NR6A1: variants seen among roughly 807,000 people sequenced by gnomAD.
The protein encoded by NR6A1 is nuclear receptor subfamily 6 group A member 1.
Under a neutral mutation model 59.1 loss-of-function variants are expected in NR6A1, and 7 were observed. That is an observed-to-expected ratio of 0.12 (90% CI 0.07 to 0.22). NR6A1 has a LOEUF of 0.22. Among genes scored for constraint, NR6A1 ranks in the 10% least tolerant of loss-of-function variants. The pLI is 1.00. For synonymous variants in NR6A1, 243 were observed against 236.1 expected (o/e 1.03, Z -0.27); for missense variants, 468 against 611.6 (o/e 0.77, Z 2.48).
intron 2 of NR6A1, among the ~76,000 whole-genome samples, chr9:124,645,033 C>A (rs1172299253): frequency 6.6e-6 from 1 of 152,164 alleles, no homozygotes; most frequent in Non-Finnish European, 1.5e-5. Flanking sequence ...AAGTGCAAAT[C>A]CTAACGGAAA....
intron 2 of NR6A1, among the ~76,000 whole-genome samples, chr9:124,714,390 G>A (rs902088104): frequency 7.9e-5 from 12 of 152,110 alleles, no homozygotes; most frequent in Admixed American, 1.3e-4. Context: ...TAAATGCTAC[G>A]TCATGTATAT....
At chr9:124,695,871 A>G (rs946615220) in intron 2 of NR6A1, among the ~76,000 whole-genome samples, 3 of 152,248 alleles carry the variant, frequency 2.0e-5, no homozygotes, top group African/African-American at 7.2e-5. Context: ...CTATTTATTT[A>G]CAGACTATTA....
At chr9:124,752,092 A>G (rs1458868752) in intron 1 of NR6A1, among the ~76,000 whole-genome samples, 2 of 152,168 alleles carry the variant, frequency 1.3e-5, no homozygotes, top group Middle Eastern at 3.2e-3. Flanking sequence ...AAAATGGTGA[A>G]ACCCTGTCTC....
intron 2 of NR6A1, among the ~76,000 whole-genome samples, chr9:124,718,522 A>G (rs965617165): frequency 1.3e-5 from 2 of 152,212 alleles, no homozygotes; most frequent in Non-Finnish European, 2.9e-5. Flanking sequence ...GCTAGAACCT[A>G]TTGGCTCAAT....
At chr9:124,718,432 T>C (rs775075291) in intron 2 of NR6A1, among the ~76,000 whole-genome samples, 2 of 152,228 alleles carry the variant, frequency 1.3e-5, no homozygotes, top group Non-Finnish European at 2.9e-5. Flanking sequence ...TCCTGCTACT[T>C]GAGGACTCTG....
At position 124,771,203 on chromosome 9, in the gene NR6A1, G is replaced by T; in HGVS notation, c.-84C>A. The T allele has an allele frequency of 1.3e-6, 1 of 789,358 alleles. No individual in the cohort carries two copies. The highest frequency in any genetic ancestry group is 1.7e-6 in the Non-Finnish European group (1 of 583,514). The allele number at this position is 789,358 out of a possible 1,614,324, so 48.9% of individuals were successfully genotyped here. A position where few individuals can be genotyped will look rare whatever the true frequency, so the allele number is the denominator to read the frequency against. ...CGCCGTGGTCGTCGTCCGCCGAGGG[G>T]AGGAGGTTGTCAGGAGCCCGCGAGC... On this transcript the variant is annotated 5_prime_UTR_variant, in exon 1 of 10. Coordinates refer to ENST00000487099, the MANE Select transcript of NR6A1 (RefSeq NM_033334.4).
At chr9:124,606,673 T>A in intron 2 of NR6A1, among the ~76,000 whole-genome samples, 1 of 152,206 alleles carries the variant, frequency 6.6e-6, no homozygotes. Flanking sequence ...ATTGATTAAA[T>A]AAGTATACAG....
intron 2 of NR6A1, among the ~76,000 whole-genome samples, chr9:124,601,473 A>C (rs1460747274): frequency 6.6e-6 from 1 of 150,796 alleles, no homozygotes; most frequent in Non-Finnish European, 1.5e-5. Flanking sequence ...AGTCCCAGCT[A>C]CTCGGGGGGC....
Position 124,771,276 on chromosome 9 carries a change from G to C in NR6A1, c.-157C>G, listed in dbSNP as rs1564276712. ...GCCCCGAGCCGCCCGGCTCCGCGCC[G>C]CTCCGCGCCCCTCCGCGCCGCGCCC... On this transcript the variant is annotated 5_prime_UTR_variant, in exon 1 of 10. Transcript: ENST00000487099. 1.7e-5 allele frequency: 7 copies of C among 401,304 alleles called. No individual in the cohort carries two copies. The highest frequency in any genetic ancestry group is 1.1e-4 in the East Asian group (3 of 27,464). 24.9% of individuals were successfully genotyped at this position (401,304 alleles called of 1,614,324 possible).
At chr9:124,770,652 C>A (rs1428110336) in intron 1 of NR6A1, among the ~76,000 whole-genome samples, 1 of 119,168 alleles carries the variant, frequency 8.4e-6, no homozygotes, top group African/African-American at 3.2e-5. Context: ...AGGTTCGGTG[C>A]TGGGAAGACA....
chr9:124,736,502 G>A (rs1449901482), intron 1 of NR6A1, among the ~76,000 whole-genome samples: 1 of 152,190 alleles, frequency 6.6e-6, no homozygotes, highest in East Asian at 1.9e-4. Context: ...CCCTAACTTT[G>A]TTGTAAATTG....
chr9:124,673,763 G>T (rs1361106218), intron 2 of NR6A1, among the ~76,000 whole-genome samples: 2 of 152,092 alleles, frequency 1.3e-5, no homozygotes, highest in Non-Finnish European at 2.9e-5. Flanking sequence ...AGACAAGAAG[G>T]TCATCTCCGA....
chr9:124,667,415 A>C (rs989707674), intron 2 of NR6A1, among the ~76,000 whole-genome samples: 1 of 152,128 alleles, frequency 6.6e-6, no homozygotes, highest in Non-Finnish European at 1.5e-5. Context: ...CAAAGGCATA[A>C]GTATATCTAA....
intron 7 of NR6A1, among the ~76,000 whole-genome samples, chr9:124,533,799 C>T (rs1041667595): frequency 1.4e-4 from 22 of 152,164 alleles, no homozygotes; most frequent in African/African-American, 4.1e-4. Context: ...TACAGGCGCC[C>T]GCCACCATGC....
At chr9:124,530,932 C>A (rs1833081644) in intron 7 of NR6A1, among the ~76,000 whole-genome samples, 1 of 152,242 alleles carries the variant, frequency 6.6e-6, no homozygotes, top group African/African-American at 2.4e-5. Flanking sequence ...TTAATTTTCA[C>A]CTCTCAACCT....
intron 2 of NR6A1, among the ~76,000 whole-genome samples, chr9:124,595,420 TAAAC>T (rs1330854666): frequency 5.9e-5 from 9 of 152,166 alleles, no homozygotes; most frequent in African/African-American, 1.9e-4. Context: ...TGTCAAGAAA[TAAAC>T]AACAATTTTT....
intron 2 of NR6A1, among the ~76,000 whole-genome samples, chr9:124,673,050 G>A (rs773266812): frequency 5.9e-4 from 90 of 152,100 alleles, no homozygotes; most frequent in East Asian, 1.9e-4. Flanking sequence ...AGCCAGGCGC[G>A]GTAGCTCATG....
chr9:124,613,136 G>C (rs890244015), intron 2 of NR6A1, among the ~76,000 whole-genome samples: 3 of 152,150 alleles, frequency 2.0e-5, no homozygotes, highest in African/African-American at 7.2e-5. Context: ...GGGAGTTTGA[G>C]ACCAGCCTGG....
rs547978605 is a variant in NR6A1, at chr9:124,598,221, C to T, written c.143-43651G>A. On this transcript the variant is annotated intron_variant, in intron 2 of 9. Coordinates refer to ENST00000487099, the MANE Select transcript of NR6A1 (RefSeq NM_033334.4). ...GGATGGGTGTGCACACCAGTAGTCC[C>T]AGCTGTTCAGGAGGCTGAGGCAGGA... 6.0e-4 allele frequency among the ~76,000 whole-genome samples: 91 copies of T among 152,122 alleles called. 1 individual carries two copies. The South Asian group carries it at 0.018, about 31-fold the overall frequency.
Sources: gnomAD v4.1 joint callset for allele counts (sites outside exome capture counted in the v4.1 genomes callset) on GRCh38, gnomAD v4.1.1 for gene constraint, MANE v1.5 for transcripts, NCBI Gene and HGNC (gene_info 2026-07-23, HGNC 2026-07-21) for gene names.